ZNF568: variants seen among roughly 807,000 people sequenced by gnomAD.
ZNF568 encodes zinc finger protein 568.
A neutral mutation model predicts 18.1 loss-of-function variants in ZNF568; 11 were observed. The observed-to-expected ratio is 0.61, with a 90% CI of 0.38 to 1.00. ZNF568 has a LOEUF of 1.00. ZNF568 is among the 50% of genes least tolerant of loss of function. The pLI is 0.01. For synonymous variants in ZNF568, 213 were observed against 246.6 expected, an observed-to-expected ratio of 0.86 and a Z score of 1.28; for missense variants, 639 against 768.2, an observed-to-expected ratio of 0.83 and a Z score of 1.99.
chr19:36,967,112 A>G (rs148212382), intron 6 of ZNF568, among the ~76,000 whole-genome samples: 7 of 152,350 alleles, frequency 4.6e-5, no homozygotes, highest in African/African-American at 1.4e-4. Context: ...AACCACATTC[A>G]GTGAGGTTTG....
intron 4 of ZNF568, among the ~76,000 whole-genome samples, chr19:36,927,860 G>GTATATATATATATATATATATATATATAT (rs1219440874): frequency 3.1e-5 from 1 of 32,118 alleles, no homozygotes; most frequent in Admixed American, 5.2e-4. Context: ...GTGTGTGTGT[G>GTATATATATATATATATATATATATATAT]TATATATATA....
intron 2 of ZNF568, among the ~76,000 whole-genome samples, chr19:36,988,536 G>A (rs1373683223): frequency 6.6e-6 from 1 of 152,142 alleles, no homozygotes; most frequent in Non-Finnish European, 1.5e-5. Flanking sequence ...CTTTTAAACA[G>A]CCAGATCTCG....
At chr19:36,994,075 C>T (rs751506254) in intron 4 of ZNF568, among the ~76,000 whole-genome samples, 1 of 150,554 alleles carries the variant, frequency 6.6e-6, no homozygotes, top group Non-Finnish European at 1.5e-5. Flanking sequence ...TCCCTTTAAG[C>T]CCTGCTTTAG....
In ZNF568 at chr19:36,976,890, A is replaced by T. The variant is rs1001535091; in HGVS notation, c.406-2114A>T. 4.9e-5 allele frequency among the ~76,000 whole-genome samples: 5 copies of T among 102,450 alleles called. No individual in the cohort carries two copies. The East Asian group carries it at 8.4e-4, about 17-fold the overall frequency. 67.2% of individuals were successfully genotyped at this position (102,450 alleles called of 152,430 possible). A position where few individuals can be genotyped will look rare whatever the true frequency, so the allele number is the denominator to read the frequency against. On this transcript the variant is annotated intron_variant, in intron 7 of 7. Coordinates refer to the ZNF568 transcript ENST00000427117. ...GCGCCATTGCACTCCAGCCTGGGCAACAAGAGCAAAACTCCGTCTAAGAAA... is the reference window on the plus strand; with the variant it reads ...GCGCCATTGCACTCCAGCCTGGGCATCAAGAGCAAAACTCCGTCTAAGAAA...
intron 6 of ZNF568, among the ~76,000 whole-genome samples, chr19:36,968,248 T>C (rs545949629): frequency 1.2e-4 from 19 of 152,262 alleles, no homozygotes; most frequent in African/African-American, 4.3e-4. Context: ...CACATATTAA[T>C]TTACATGAAA....
rs561541074 is a variant in ZNF568, at chr19:36,966,335, TCCTGG to T, written c.359-8081_359-8077del. ...TTTGTTTCCCAGGCTGGTCTCCAAC[TCCTGG>T]CCTCAAACAATCCTCCTGCCTTAGT... On this transcript the variant is annotated intron_variant, in intron 6 of 7. Transcript: ENST00000427117. Among the ~76,000 whole-genome samples, 6 of 152,144 alleles carry T rather than the reference TCCTGG, an allele frequency of 3.9e-5. No individual in the cohort carries two copies. The South Asian group carries it at 1.0e-3, about 26-fold the overall frequency.
chr19:36,944,575 C>T (rs1197597304), intron 6 of ZNF568, among the ~76,000 whole-genome samples: 1 of 151,970 alleles, frequency 6.6e-6, no homozygotes, highest in Non-Finnish European at 1.5e-5. Flanking sequence ...CATTTTGGGC[C>T]AGATAATTCT....
chr19:36,944,218 G>A (rs1271905308), intron 6 of ZNF568, among the ~76,000 whole-genome samples: 4 of 151,804 alleles, frequency 2.6e-5, no homozygotes, highest in Admixed American at 2.0e-4. Context: ...GACCAACATG[G>A]AGAAACCCCG....
chr19:36,933,911 G>GTTTTTTTTTTTTT (rs1443339780), intron 4 of ZNF568, among the ~76,000 whole-genome samples: 2 of 54,726 alleles, frequency 3.7e-5, no homozygotes. Flanking sequence ...TTTTTTTTTT[G>GTTTTTTTTTTTTT]TTTTGTTTTT....
At chr19:36,958,485 T>G (rs2074123371) in intron 6 of ZNF568, among the ~76,000 whole-genome samples, 2 of 152,018 alleles carry the variant, frequency 1.3e-5, no homozygotes, top group Non-Finnish European at 2.9e-5. Flanking sequence ...CTTGGTGAGT[T>G]TTGACAGATT....
chr19:36,997,369 GA>G, downstream of ZNF568: 1 of 1,593,346 alleles, frequency 6.3e-7, no homozygotes, highest in African/African-American at 1.3e-5. Flanking sequence ...TCATACTGGT[GA>G]AAAACCCTAT....
chr19:36,958,305 A>G (rs1196250783), intron 6 of ZNF568, among the ~76,000 whole-genome samples: 1 of 152,080 alleles, frequency 6.6e-6, no homozygotes, highest in Non-Finnish European at 1.5e-5. Context: ...GAGTTAGGGA[A>G]TATTTCCTTT....
intron 4 of ZNF568, among the ~76,000 whole-genome samples, chr19:36,935,670 T>G (rs1462241716): frequency 6.6e-6 from 1 of 152,152 alleles, no homozygotes; most frequent in Non-Finnish European, 1.5e-5. Flanking sequence ...GACTGTTAGA[T>G]GCATATATAA....
At chr19:36,957,021 G>A (rs937957442), downstream of ZNF568, among the ~76,000 whole-genome samples, 3 of 152,042 alleles carry the variant, frequency 2.0e-5, no homozygotes, top group Non-Finnish European at 2.9e-5. Flanking sequence ...TAATAAGAGC[G>A]TCATTGTTAC....
chr19:36,960,109 A>AATT (rs2074136551), intron 6 of ZNF568, among the ~76,000 whole-genome samples: 1 of 81,498 alleles, frequency 1.2e-5, no homozygotes. Context: ...TAATTGTTCT[A>AATT]CTTTTTTTTT....
chr19:36,936,469 G>T (rs2073792282), intron 4 of ZNF568, among the ~76,000 whole-genome samples: 1 of 151,932 alleles, frequency 6.6e-6, no homozygotes, highest in South Asian at 2.1e-4. Context: ...CTTTATCTCT[G>T]GTTTTCAACA....
At chr19:36,997,460 C>T, downstream of ZNF568, 1 of 1,587,822 alleles carries the variant, frequency 6.3e-7, no homozygotes, top group Non-Finnish European at 8.5e-7. Context: ...GGGGAGAGAC[C>T]CCATAAGTGT....
chr19:36,962,747 T>G (rs2074165361), intron 6 of ZNF568, among the ~76,000 whole-genome samples: 1 of 152,114 alleles, frequency 6.6e-6, no homozygotes, highest in Non-Finnish European at 1.5e-5. Context: ...TTTTGCTTGA[T>G]GTAGCATTCT....
At chr19:36,921,469 AAAAG>A (rs980284640) in intron 2 of ZNF568, among the ~76,000 whole-genome samples, 3 of 152,054 alleles carry the variant, frequency 2.0e-5, no homozygotes, top group Non-Finnish European at 4.4e-5. Flanking sequence ...CCAAAAAAAA[AAAAG>A]AAAGAAAGTG....
Sources: allele counts gnomAD v4.1 joint callset (sites outside exome capture counted in the v4.1 genomes callset), GRCh38; gene constraint gnomAD v4.1.1; transcripts MANE v1.5; gene names NCBI Gene and HGNC (gene_info 2026-07-23, HGNC 2026-07-21).